FOXL2NB: variants seen among roughly 807,000 people sequenced by gnomAD.
FOXL2NB encodes the protein FOXL2 neighbor.
FOXL2NB carries 10 observed loss-of-function variants against 7.4 expected under a neutral mutation model. The ratio of observed to expected loss-of-function variants is 1.34; its 90% CI spans 0.83 to 2.28. The LOEUF (loss-of-function observed/expected upper bound fraction) is 2.28, where lower values mean the gene tolerates loss of function less well. Among genes scored for constraint, FOXL2NB ranks in the 30% most tolerant of loss-of-function variants. FOXL2NB has a pLI of 0.00. For synonymous variants in FOXL2NB, 104 were observed against 105.3 expected, an observed-to-expected ratio of 0.99 and a Z score of 0.08; for missense variants, 228 against 233.9, an observed-to-expected ratio of 0.97 and a Z score of 0.17.
chr3:138,947,731 C>T lies in FOXL2NB; in HGVS notation c.100+267C>T, dbSNP rs898852667. 3 of 1,202,294 alleles carry T rather than the reference C, an allele frequency of 2.5e-6. No individual in the cohort carries two copies. Among genetic ancestry groups the T allele is most frequent in the African/African-American group, 3.2e-5 (2 of 62,794 alleles). The allele number at this position is 1,202,294 out of a possible 1,614,324, so 74.5% of individuals were successfully genotyped here. On this transcript the variant is annotated intron_variant, in intron 1 of 2. Transcript: ENST00000383165. The surrounding 1 kb of genome is among the most constrained non-coding windows in gnomAD (Gnocchi z 5.2). ...CTGGAAATAGTCGTCAGGGGCGCCG[C>T]CTGAATCACCTCTGCCTCTCCCTGC... is the stretch of plus-strand genomic sequence containing the variant.
In FOXL2NB at chr3:138,947,302, C is replaced by T; in HGVS notation, c.-63C>T. On this transcript the variant is annotated 5_prime_UTR_variant, in exon 1 of 3. Transcript: ENST00000383165. This position sits in a 1 kb window ranked among gnomAD's most constrained non-coding sequence, Gnocchi z 5.2. The stretch of plus-strand genomic sequence containing the variant: ...GCCCAGCGAGCCTCAGGGGCCCAGC[C>T]GACAGCCAGGCTCACGCGCCCTTGA... The T allele has an allele frequency of 1.5e-6, 2 of 1,359,996 alleles. No individual in the cohort carries two copies. Among genetic ancestry groups the T allele is most frequent in the Non-Finnish European group, 2.0e-6 (2 of 987,760 alleles). The allele number at this position is 1,359,996 out of a possible 1,614,324, so 84.2% of individuals were successfully genotyped here.
Position 138,949,312 on chromosome 3 carries a change from T to C in FOXL2NB, c.101-208T>C, listed in dbSNP as rs1046786465. On this transcript the variant is annotated intron_variant, in intron 1 of 2. Coordinates refer to ENST00000383165, the MANE Select transcript of FOXL2NB (RefSeq NM_001040061.3). This position sits in a 1 kb window ranked among gnomAD's most constrained non-coding sequence, Gnocchi z 4.5. The stretch of plus-strand genomic sequence containing the variant: ...CAGCAGCCAGGTGTAACAGCATTGT[T>C]GTGTGTGTCATCACTTCCCTGAATT... 8.5e-5 allele frequency among the ~76,000 whole-genome samples: 13 copies of C among 152,174 alleles called. No individual in the cohort carries two copies. Among genetic ancestry groups the C allele is most frequent in the Non-Finnish European group, 1.5e-4 (10 of 67,984 alleles).
intron 1 of FOXL2NB, among the ~76,000 whole-genome samples, chr3:138,948,763 C>T (rs1374958673): frequency 6.6e-6 from 1 of 152,164 alleles, no homozygotes; most frequent in African/African-American, 2.4e-5. Context: ...TCACTCAGGC[C>T]TCTGATCTGC....
rs1198396758 is a variant in FOXL2NB at position 138,949,869 on chromosome 3, G to A, written c.220+230G>A. Reference sequence around the variant, plus strand: ...CGGAGGTAGGCTGGTTGCTGGCGAGGTCGGGATCCTCTCTGAACAGGGCAT... The same window carrying A: ...CGGAGGTAGGCTGGTTGCTGGCGAGATCGGGATCCTCTCTGAACAGGGCAT... On this transcript the variant is annotated intron_variant, in intron 2 of 2. Coordinates refer to ENST00000383165, the MANE Select transcript of FOXL2NB (RefSeq NM_001040061.3). This position sits in a 1 kb window ranked among gnomAD's most constrained non-coding sequence, Gnocchi z 4.5. 1.4e-6 allele frequency: 1 copy of A among 708,544 alleles called. No homozygotes were observed. Among genetic ancestry groups the A allele is most frequent in the Non-Finnish European group, 2.5e-6 (1 of 394,500 alleles). 43.9% of individuals were successfully genotyped at this position (708,544 alleles called of 1,614,324 possible).
At position 138,950,008 on chromosome 3, in the gene FOXL2NB, AGG is replaced by A. The variant is rs1309480365; in HGVS notation, c.221-255_221-254del. The A allele has an allele frequency of 8.6e-6, 6 of 701,606 alleles. No individual in the cohort carries two copies. The South Asian group carries it at 9.0e-5, about 11-fold the overall frequency. The allele number at this position is 701,606 out of a possible 1,614,324, so 43.5% of individuals were successfully genotyped here. ...GGGGCGGCGCTCACCTCCAAAGGCC[AGG>A]GTGGTGGGCTGGGCAGAACTCACTG... On this transcript the variant is annotated intron_variant, in intron 2 of 2. Transcript: ENST00000383165.
rs1177335775 is a variant in FOXL2NB, at chr3:138,950,549, G to A, written c.505G>A (p.Gly169Arg). Reference sequence around the variant, plus strand: ...GCCTCTGCGGTGCTTGGCTAGCAAAGGGAAGCTTCACTGTGTCTATTAGTA... The same window carrying A: ...GCCTCTGCGGTGCTTGGCTAGCAAAAGGAAGCTTCACTGTGTCTATTAGTA... Reference protein sequence around the residue: ...GWPLRCLASKGKLHCVY With the variant: ...GWPLRCLASKRKLHCVY The change falls in exon 3 of 3, where the codon GGG (glycine) becomes AGG (arginine). Residue 169 changes from glycine (G) to arginine (R), a missense_variant. Transcript: ENST00000383165. The A allele has an allele frequency of 6.2e-7, 1 of 1,614,064 alleles. No homozygotes were observed. Among genetic ancestry groups the A allele is most frequent in the Non-Finnish European group, 8.5e-7 (1 of 1,180,042 alleles).
At chr3:138,948,012 G>C in intron 1 of FOXL2NB, 1 of 984,532 alleles carries the variant, frequency 1.0e-6, no homozygotes, top group Non-Finnish European at 1.2e-6. Flanking sequence ...ACACAGGTAT[G>C]CACATGTACA....
At position 138,948,021 on chromosome 3, in the gene FOXL2NB, C is replaced by A. The variant is rs115865576; in HGVS notation, c.100+557C>A. On this transcript the variant is annotated intron_variant, in intron 1 of 2. Transcript: ENST00000383165. ...TCAGAAACACAGGTATGCACATGTA[C>A]AAGGTGTGAGATTTGTATTTACGAG... 1,809 of 981,324 alleles carry A rather than the reference C, an allele frequency of 1.8e-3. 29 individuals carry two copies. The African/African-American group carries it at 0.03, about 16-fold the overall frequency. The allele number at this position is 981,324 out of a possible 1,614,324, so 60.8% of individuals were successfully genotyped here.
Position 138,947,428 on chromosome 3 carries a change from C to T in FOXL2NB, c.64C>T (p.Arg22Ter). The part of the protein sequence containing the change: ...RPKPRKLGPQ[R>*]GKALQASSRL... ...AAAGCCCAGGAAGCTCGGGCCCCAG[C>T]GAGGAAAGGCGCTCCAAGCCTCCTC... Residue 22 changes from arginine (R) to a stop codon, truncating the protein, a stop_gained, in exon 1 of 3, where the codon CGA (arginine) becomes TGA (stop). Coordinates refer to ENST00000383165, the MANE Select transcript of FOXL2NB (RefSeq NM_001040061.3). LOFTEE classifies it high-confidence loss of function. This position sits in a 1 kb window ranked among gnomAD's most constrained non-coding sequence, Gnocchi z 5.2. 9.7e-6 allele frequency: 15 copies of T among 1,547,356 alleles called. No homozygotes were observed. The highest frequency in any genetic ancestry group is 1.3e-5 in the Non-Finnish European group (15 of 1,144,834).
At position 138,947,623 on chromosome 3, in the gene FOXL2NB, T is replaced by C. The variant is rs1936016736; in HGVS notation, c.100+159T>C. On this transcript the variant is annotated intron_variant, in intron 1 of 2. Coordinates refer to ENST00000383165, the MANE Select transcript of FOXL2NB (RefSeq NM_001040061.3). This position sits in a 1 kb window ranked among gnomAD's most constrained non-coding sequence, Gnocchi z 5.2. The stretch of plus-strand genomic sequence containing the variant: ...GGGAAAGTCAGCCCAGAAACGGGTG[T>C]GACTGTACGAAGAAGCCTCGGCCTG... The C allele has an allele frequency of 1.4e-6, 2 of 1,401,380 alleles. No individual in the cohort carries two copies. The highest frequency in any genetic ancestry group is 1.9e-6 in the Non-Finnish European group (2 of 1,079,826). 86.8% of individuals were successfully genotyped at this position (1,401,380 alleles called of 1,614,324 possible).
rs1407643699 is a variant in FOXL2NB, at chr3:138,947,217, G to T, written c.-148G>T. On this transcript the variant is annotated 5_prime_UTR_variant, in exon 1 of 3. Coordinates refer to ENST00000383165, the MANE Select transcript of FOXL2NB (RefSeq NM_001040061.3). This position sits in a 1 kb window ranked among gnomAD's most constrained non-coding sequence, Gnocchi z 5.2. Reference sequence around the variant, plus strand: ...GCGGGGCGGCCAGCCGCGCACGGGCGAGTTCATCTCCAAGTCACTTTTTGT... The same window carrying T: ...GCGGGGCGGCCAGCCGCGCACGGGCTAGTTCATCTCCAAGTCACTTTTTGT... The T allele has an allele frequency of 9.3e-6, 6 of 643,244 alleles. No individual in the cohort carries two copies. The highest frequency in any genetic ancestry group is 1.6e-5 in the Non-Finnish European group (6 of 382,252). 39.8% of individuals were successfully genotyped at this position (643,244 alleles called of 1,614,324 possible). A position where few individuals can be genotyped will look rare whatever the true frequency, so the allele number is the denominator to read the frequency against.
rs1477256279 is a variant in FOXL2NB at position 138,949,686 on chromosome 3, T to TCC, written c.220+50_220+51dup. ...AGCTGGCAGAATGATTACTTTCAGGTCCCCTCCAGGCTTCTGCGGAAAAGC... is the reference window on the plus strand; with the variant it reads ...AGCTGGCAGAATGATTACTTTCAGGTCCCCCCTCCAGGCTTCTGCGGAAAAGC... On this transcript the variant is annotated intron_variant, in intron 2 of 2. Transcript: ENST00000383165. This position sits in a 1 kb window ranked among gnomAD's most constrained non-coding sequence, Gnocchi z 4.5. The TCC allele has an allele frequency of 6.2e-7, 1 of 1,612,900 alleles. No individual in the cohort carries two copies. Among genetic ancestry groups the TCC allele is most frequent in the African/African-American group, 1.3e-5 (1 of 74,830 alleles).
In FOXL2NB at chr3:138,949,901, C is replaced by T. The variant is rs1316568274; in HGVS notation, c.220+262C>T. The T allele has an allele frequency of 2.9e-6, 2 of 694,042 alleles. No homozygotes were observed. Among genetic ancestry groups the T allele is most frequent in the Non-Finnish European group, 5.2e-6 (2 of 382,080 alleles). The allele number at this position is 694,042 out of a possible 1,614,324, so 43.0% of individuals were successfully genotyped here. On this transcript the variant is annotated intron_variant, in intron 2 of 2. Coordinates refer to ENST00000383165, the MANE Select transcript of FOXL2NB (RefSeq NM_001040061.3). The surrounding 1 kb of genome is among the most constrained non-coding windows in gnomAD (Gnocchi z 4.5). ...TCCTCTCTGAACAGGGCATACTGTG[C>T]CTAGGTTTTGTGGACGCCAGGGCCG...
At position 138,949,447 on chromosome 3, in the gene FOXL2NB, C is replaced by T. The variant is rs1363139365; in HGVS notation, c.101-73C>T. 1 of 1,583,060 alleles carries T rather than the reference C, an allele frequency of 6.3e-7. No homozygotes were observed. The highest frequency in any genetic ancestry group is 2.3e-5 in the East Asian group (1 of 43,960). On this transcript the variant is annotated intron_variant, in intron 1 of 2. Coordinates refer to ENST00000383165, the MANE Select transcript of FOXL2NB (RefSeq NM_001040061.3). This position sits in a 1 kb window ranked among gnomAD's most constrained non-coding sequence, Gnocchi z 4.5. ...GTTGGGGGCAAATGAAGGAGTTCCT[C>T]TGAAGGATTTTCAGAATAGAAAGGA...
In FOXL2NB at chr3:138,949,389, T is replaced by C; in HGVS notation, c.101-131T>C. 1 of 1,001,772 alleles carries C rather than the reference T, an allele frequency of 1.0e-6. No homozygotes were observed. 62.1% of individuals were successfully genotyped at this position (1,001,772 alleles called of 1,614,324 possible). On this transcript the variant is annotated intron_variant, in intron 1 of 2. Coordinates refer to ENST00000383165, the MANE Select transcript of FOXL2NB (RefSeq NM_001040061.3). The surrounding 1 kb of genome is among the most constrained non-coding windows in gnomAD (Gnocchi z 4.5). ...TAAAGAGCCTGTGTGTGTATGCATGTGCGTGTGTGTGTGTGTGTGTGTGTG... is the reference window on the plus strand; with the variant it reads ...TAAAGAGCCTGTGTGTGTATGCATGCGCGTGTGTGTGTGTGTGTGTGTGTG...
Position 138,947,326 on chromosome 3 carries a change from G to T in FOXL2NB, c.-39G>T, listed in dbSNP as rs893421287. On this transcript the variant is annotated 5_prime_UTR_variant, in exon 1 of 3. Transcript: ENST00000383165. The surrounding 1 kb of genome is among the most constrained non-coding windows in gnomAD (Gnocchi z 5.2). Reference sequence around the variant, plus strand: ...CCGACAGCCAGGCTCACGCGCCCTTGAAATCTGCCGGTACTCGCTCTGCGG... The same window carrying T: ...CCGACAGCCAGGCTCACGCGCCCTTTAAATCTGCCGGTACTCGCTCTGCGG... The T allele has an allele frequency of 5.3e-6, 8 of 1,510,254 alleles. No individual in the cohort carries two copies. In the African/African-American group the frequency reaches 9.8e-5, roughly 18 times the overall value. 93.6% of individuals were successfully genotyped at this position (1,510,254 alleles called of 1,614,324 possible).
chr3:138,949,446 T>C lies in FOXL2NB; in HGVS notation c.101-74T>C, dbSNP rs1469748372. ...GGTTGGGGGCAAATGAAGGAGTTCCTCTGAAGGATTTTCAGAATAGAAAGG... is the reference window on the plus strand; with the variant it reads ...GGTTGGGGGCAAATGAAGGAGTTCCCCTGAAGGATTTTCAGAATAGAAAGG... On this transcript the variant is annotated intron_variant, in intron 1 of 2. Coordinates refer to ENST00000383165, the MANE Select transcript of FOXL2NB (RefSeq NM_001040061.3). The surrounding 1 kb of genome is among the most constrained non-coding windows in gnomAD (Gnocchi z 4.5). 3.2e-6 allele frequency: 5 copies of C among 1,578,746 alleles called. No individual in the cohort carries two copies. Among genetic ancestry groups the C allele is most frequent in the Non-Finnish European group, 4.3e-6 (5 of 1,158,614 alleles).
In FOXL2NB at chr3:138,950,447, C is replaced by T. The variant is rs112857156; in HGVS notation, c.403C>T (p.Pro135Ser). 2,163 of 1,614,092 alleles carry T rather than the reference C, an allele frequency of 1.3e-3. 22 individuals are homozygous for T. In the African/African-American group the frequency reaches 0.026, roughly 19 times the overall value. The change falls in exon 3 of 3, where the codon CCC becomes TCC. Residue 135 changes from proline to serine, a missense_variant. Coordinates refer to ENST00000383165, the MANE Select transcript of FOXL2NB (RefSeq NM_001040061.3). Reference protein sequence around the residue: ...QVPLSPFLAGPRNTRRLPAPE... With the variant: ...QVPLSPFLAGSRNTRRLPAPE... ...TCCGCTGTCCCCTTTCCTAGCGGGA[C>T]CCCGAAACACCCGGCGGCTTCCCGC...
rs1381775544 is a variant in FOXL2NB, at chr3:138,953,042, C to G, written c.*2470C>G. ...AATTCTTTTTTTCTTCTTTTTGAGA[C>G]AGAGTCTCACTCTGTTGCCCAGGCT... On this transcript the variant is annotated 3_prime_UTR_variant, in exon 3 of 3. Coordinates refer to ENST00000383165, the MANE Select transcript of FOXL2NB (RefSeq NM_001040061.3). 1 of 144,956 alleles carries G rather than the reference C, an allele frequency of 6.9e-6. No individual in the cohort carries two copies. The highest frequency in any genetic ancestry group is 2.5e-5 in the African/African-American group (1 of 39,432). 9.0% of individuals were successfully genotyped at this position (144,956 alleles called of 1,614,324 possible). A position where few individuals can be genotyped will look rare whatever the true frequency, so the allele number is the denominator to read the frequency against.
Sources: gnomAD v4.1 joint callset for allele counts (sites outside exome capture counted in the v4.1 genomes callset) on GRCh38, gnomAD v4.1.1 for gene constraint, Gnocchi (gnomAD v3.1) non-coding constraint, MANE v1.5 for transcripts, NCBI Gene and HGNC (gene_info 2026-07-23, HGNC 2026-07-21) for gene names.